The following CACNA2D1 variants were observed in gnomAD, a reference collection of about 807,000 sequenced individuals.
The protein encoded by CACNA2D1 is voltage-dependent calcium channel subunit alpha-2/delta-1.
CACNA2D1 carries 53 observed loss-of-function variants against 171.5 expected under a neutral mutation model. That is an observed-to-expected ratio of 0.31 (90% CI 0.25 to 0.39). The LOEUF (loss-of-function observed/expected upper bound fraction) is 0.39, where lower values mean the gene tolerates loss of function less well. Among genes scored for constraint, CACNA2D1 ranks in the 10% least tolerant of loss-of-function variants. The probability of loss-of-function intolerance (pLI) is 1.00; values close to 1 mark genes in which losing one functional copy is unlikely to be tolerated. For missense variants in CACNA2D1, 903 were observed against 1,299.8 expected (o/e 0.69, Z 4.69); for synonymous variants, 442 against 443.1 (o/e 1.00, Z 0.03).
intron 10 of CACNA2D1, chr7:82,050,434 C>G (rs190878633): frequency 3.3e-6 from 2 of 600,694 alleles, no homozygotes; most frequent in Admixed American, 2.9e-5. Context: ...CACAGGATGA[C>G]AGGAGGACAG....
chr7:82,076,679 G>A (rs1809006993), intron 7 of CACNA2D1, among the ~76,000 whole-genome samples: 1 of 151,966 alleles, frequency 6.6e-6, no homozygotes, highest in African/African-American at 2.4e-5. Context: ...ATAATATTAA[G>A]TGCTTTAATC....
chr7:82,253,519 A>T (rs1805923837), intron 3 of CACNA2D1, among the ~76,000 whole-genome samples: 1 of 152,230 alleles, frequency 6.6e-6, no homozygotes. Flanking sequence ...TCAGGTTACA[A>T]GGAAATCTAA....
chr7:82,048,345 T>A (rs1437323817), intron 10 of CACNA2D1, among the ~76,000 whole-genome samples: 1 of 152,144 alleles, frequency 6.6e-6, no homozygotes, highest in African/African-American at 2.4e-5. Flanking sequence ...TATTTTAAAG[T>A]GTGCAATAAA....
intron 3 of CACNA2D1, among the ~76,000 whole-genome samples, chr7:82,183,653 G>C (rs550543887): frequency 6.6e-6 from 1 of 152,188 alleles, no homozygotes; most frequent in African/African-American, 2.4e-5. Context: ...ATTGCAAAAA[G>C]AAGAGATTTT....
chr7:82,321,428 A>G (rs1003237229), intron 3 of CACNA2D1, among the ~76,000 whole-genome samples: 2 of 152,016 alleles, frequency 1.3e-5, no homozygotes, highest in African/African-American at 4.8e-5. Context: ...AAAATAAAAT[A>G]GAGTCTTACC....
intron 7 of CACNA2D1, among the ~76,000 whole-genome samples, chr7:82,071,073 G>A (rs548335316): frequency 1.3e-5 from 2 of 152,184 alleles, no homozygotes; most frequent in Non-Finnish European, 2.9e-5. Context: ...GGGCATTGTT[G>A]TTGATGTTGT....
At chr7:82,101,795 C>G (rs1812708435) in intron 6 of CACNA2D1, among the ~76,000 whole-genome samples, 1 of 152,112 alleles carries the variant, frequency 6.6e-6, no homozygotes, top group South Asian at 2.1e-4. Flanking sequence ...AATTCAATCT[C>G]TTAATTTGAT....
In CACNA2D1 at chr7:81,950,172, C is replaced by T; in HGVS notation, c.*220G>A. On this transcript the variant is annotated 3_prime_UTR_variant, in exon 39 of 39. Transcript: ENST00000356860. Reference sequence around the variant, plus strand: ...CGTATAGGATTTTGCTTTGATGTTACACATAGATGATGCAGCATTCACACA... The same window carrying T: ...CGTATAGGATTTTGCTTTGATGTTATACATAGATGATGCAGCATTCACACA... The T allele has an allele frequency of 2.7e-6, 2 of 731,870 alleles. No homozygotes were observed. 45.3% of individuals were successfully genotyped at this position (731,870 alleles called of 1,614,324 possible). A position where few individuals can be genotyped will look rare whatever the true frequency, so the allele number is the denominator to read the frequency against.
intron 3 of CACNA2D1, among the ~76,000 whole-genome samples, chr7:82,201,761 C>G (rs2129206392): frequency 6.6e-6 from 1 of 152,310 alleles, no homozygotes; most frequent in Middle Eastern, 3.4e-3. Flanking sequence ...TAACCCCTAA[C>G]CATCACTGAT....
At chr7:82,308,774 C>T (rs74395869) in intron 3 of CACNA2D1, among the ~76,000 whole-genome samples, 2,518 of 152,270 alleles carry the variant, frequency 0.017, 47 homozygotes, top group Middle Eastern at 0.065. Context: ...TTTACCTATG[C>T]CCTTCTTTGT....
intron 3 of CACNA2D1, among the ~76,000 whole-genome samples, chr7:82,236,536 CTT>C (rs1321716410): frequency 2.0e-5 from 3 of 152,036 alleles, no homozygotes; most frequent in Admixed American, 1.3e-4. Flanking sequence ...CTATTTCTCT[CTT>C]TAGTTTTAAA....
chr7:82,081,832 T>A (rs1809813459), intron 7 of CACNA2D1, among the ~76,000 whole-genome samples: 1 of 149,544 alleles, frequency 6.7e-6, no homozygotes, highest in African/African-American at 2.6e-5. Flanking sequence ...CCACTGTGAC[T>A]GTGCACCCAG....
chr7:81,971,063 A>G (rs969916089), intron 26 of CACNA2D1: 4 of 275,192 alleles, frequency 1.5e-5, no homozygotes, highest in African/African-American at 2.2e-5. Flanking sequence ...GGTGTTTGGT[A>G]TAGAAAAAAA....
chr7:81,965,526 G>A (rs1794627750), intron 32 of CACNA2D1, 68 bp downstream of exon 32: 1 of 834,596 alleles, frequency 1.2e-6, no homozygotes, highest in Non-Finnish European at 2.1e-6. Context: ...CACTGAAAGA[G>A]GTTTTGTAAT....
intron 3 of CACNA2D1, among the ~76,000 whole-genome samples, chr7:82,256,271 G>T (rs1244319616): frequency 6.6e-6 from 1 of 152,036 alleles, no homozygotes; most frequent in African/African-American, 2.4e-5. Flanking sequence ...TACAGCCTGG[G>T]TGACAGAGTA....
intron 24 of CACNA2D1, among the ~76,000 whole-genome samples, chr7:81,981,947 TATAG>T (rs1225166034): frequency 6.6e-6 from 1 of 152,216 alleles, no homozygotes; most frequent in East Asian, 1.9e-4. Context: ...CCCCTACGTG[TATAG>T]ATACACATAA....
At chr7:82,062,755 T>C (rs1807102812) in intron 9 of CACNA2D1, among the ~76,000 whole-genome samples, 1 of 138,132 alleles carries the variant, frequency 7.2e-6, no homozygotes, top group African/African-American at 2.9e-5. Flanking sequence ...TTTTTTTTTT[T>C]TTTTGAGACA....
At chr7:82,328,324 G>A (rs1041330063) in intron 3 of CACNA2D1, among the ~76,000 whole-genome samples, 1 of 152,058 alleles carries the variant, frequency 6.6e-6, no homozygotes, top group African/African-American at 2.4e-5. Context: ...TTCATATGTA[G>A]CTTGGGCCTC....
At chr7:82,103,096 G>T (rs901357527) in intron 6 of CACNA2D1, among the ~76,000 whole-genome samples, 1 of 151,922 alleles carries the variant, frequency 6.6e-6, no homozygotes, top group Non-Finnish European at 1.5e-5. Flanking sequence ...TCACTTGAGG[G>T]CACGAGTTCG....
Sources: allele counts gnomAD v4.1 joint callset (sites outside exome capture counted in the v4.1 genomes callset), GRCh38; gene constraint gnomAD v4.1.1; transcripts MANE v1.5; gene names NCBI Gene and HGNC (gene_info 2026-07-23, HGNC 2026-07-21).